The following UGT1A10 variants were observed in gnomAD, a reference collection of about 807,000 sequenced individuals.
UGT1A10 encodes UDP-glucuronosyltransferase 1A10.
A neutral mutation model predicts 45.8 loss-of-function variants in UGT1A10; 49 were observed. The observed-to-expected ratio is 1.07, with a 90% confidence interval of 0.85 to 1.36. The LOEUF (loss-of-function observed/expected upper bound fraction) is 1.36, where lower values mean the gene tolerates loss of function less well. Among genes scored for constraint, UGT1A10 ranks in the 40% most tolerant of loss-of-function variants. The pLI, the probability that UGT1A10 is intolerant of heterozygous loss-of-function variation, is 0.00. For missense variants in UGT1A10, 745 were observed against 668.6 expected, an observed-to-expected ratio of 1.11 and a Z score of -1.26; for synonymous variants, 284 against 249.7, an observed-to-expected ratio of 1.14 and a Z score of -1.29.
intron 1 of UGT1A10, chr2:233,647,998 G>A: frequency 6.2e-7 from 1 of 1,607,710 alleles, no homozygotes; most frequent in Non-Finnish European, 8.5e-7. Context: ...GGGGCATGAG[G>A]TGGTTGTAGT....
chr2:233,648,823 T>G, intron 1 of UGT1A10: 1 of 1,051,594 alleles, frequency 9.5e-7, no homozygotes. Context: ...AGAGGAGCAT[T>G]TATTTTGCCC....
At chr2:233,703,003 G>T (rs1384511642) in intron 1 of UGT1A10, among the ~76,000 whole-genome samples, 1 of 152,110 alleles carries the variant, frequency 6.6e-6, no homozygotes, top group Non-Finnish European at 1.5e-5. Flanking sequence ...CTATTTTTTG[G>T]GAACAGTCTG....
chr2:233,648,746 G>T, intron 1 of UGT1A10: 1 of 598,942 alleles, frequency 1.7e-6, no homozygotes. Flanking sequence ...TTACAGGGGT[G>T]AGCCACCACA....
At chr2:233,637,513 G>A (rs2073329392) in intron 1 of UGT1A10, 136 bp downstream of exon 1, 2 of 1,469,164 alleles carry the variant, frequency 1.4e-6, no homozygotes, top group Admixed American at 2.3e-5. Context: ...ATTATTTTGT[G>A]CGAATTCATG....
At chr2:233,717,277 G>A (rs2076561985) in intron 1 of UGT1A10, among the ~76,000 whole-genome samples, 1 of 152,160 alleles carries the variant, frequency 6.6e-6, no homozygotes, top group African/African-American at 2.4e-5. Context: ...TTGAGAAGCT[G>A]AGATGTTGCA....
intron 1 of UGT1A10, among the ~76,000 whole-genome samples, chr2:233,717,571 A>C (rs1166203579): frequency 6.6e-6 from 1 of 152,240 alleles, no homozygotes; most frequent in Non-Finnish European, 1.5e-5. Context: ...ATGGCCAGGC[A>C]TGTAGACACA....
chr2:233,672,938 C>A (rs1039914779), intron 1 of UGT1A10: 6 of 1,418,726 alleles, frequency 4.2e-6, no homozygotes, highest in Non-Finnish European at 5.6e-6. Flanking sequence ...AATGCGTGTA[C>A]TCGTCAGTAG....
chr2:233,656,384 A>G (rs916151329), intron 1 of UGT1A10, among the ~76,000 whole-genome samples: 3 of 152,346 alleles, frequency 2.0e-5, no homozygotes, highest in African/African-American at 4.8e-5. Context: ...CTCTTGTCCA[A>G]TGAAAGCAGT....
chr2:233,768,319 G>A lies in UGT1A10; in HGVS notation c.1175G>A (p.Gly392Asp), dbSNP rs367897068. The A allele has an allele frequency of 6.2e-7, 1 of 1,614,162 alleles. No homozygotes were observed. Among genetic ancestry groups the A allele is most frequent in the Non-Finnish European group, 8.5e-7 (1 of 1,180,044 alleles). The change falls in exon 4 of 5, where the codon GGT (glycine) becomes GAT (aspartate). Residue 392 changes from glycine (G) to aspartate (D), a missense_variant. Gly to Asp is a moderately conservative substitution (Grantham distance 94). Transcript: ENST00000344644. ...CCCATGGTGATGATGCCCTTGTTTG[G>A]TGATCAGATGGACAATGCAAAGCGC... ...GVPMVMMPLF[G>D]DQMDNAKRME...
At chr2:233,740,826 G>C (rs1278219127) in intron 1 of UGT1A10, 2 of 151,802 alleles carry the variant, frequency 1.3e-5, no homozygotes, top group Non-Finnish European at 2.9e-5. Flanking sequence ...TTTGAGCTGA[G>C]ACATTTTAAA....
At chr2:233,674,416 G>A (rs2602379) in intron 1 of UGT1A10, among the ~76,000 whole-genome samples, 93,543 of 151,846 alleles carry the variant, frequency 0.62, 29,077 homozygotes, top group South Asian at 0.65. Context: ...TCCATTAATT[G>A]TAGTAACAGG....
chr2:233,685,796 T>C (rs998546141), intron 1 of UGT1A10, among the ~76,000 whole-genome samples: 1 of 152,250 alleles, frequency 6.6e-6, no homozygotes, highest in Admixed American at 6.5e-5. Flanking sequence ...AATCTTGGCA[T>C]GTTGTCTCAT....
chr2:233,690,773 A>G, intron 1 of UGT1A10: 1 of 1,068,048 alleles, frequency 9.4e-7, no homozygotes, highest in Admixed American at 4.3e-5. Context: ...ACACACACAC[A>G]CATACACACA....
intron 1 of UGT1A10, chr2:233,747,317 C>A: frequency 1.9e-6 from 3 of 1,603,212 alleles, no homozygotes; most frequent in Non-Finnish European, 2.6e-6. Flanking sequence ...CTGGTGGTAC[C>A]CATTGATGGC....
chr2:233,636,555 T>C lies in UGT1A10; in HGVS notation c.33T>C (p.Pro11=). The part of the protein sequence containing the change: MARAGWTSPV[P]LCVCLLLTCG... The stretch of plus-strand genomic sequence containing the variant: ...GCGCAGGGTGGACCAGCCCCGTTCC[T>C]TTATGTGTGTGTCTACTGCTGACCT... Residue 11 remains proline, a synonymous_variant, in exon 1 of 5, where the codon CCT becomes CCC. Transcript: ENST00000344644. 2 of 1,614,156 alleles carry C rather than the reference T, an allele frequency of 1.2e-6. No individual in the cohort carries two copies. Among genetic ancestry groups the C allele is most frequent in the South Asian group, 1.1e-5 (1 of 91,078 alleles).
chr2:233,739,826 A>G (rs989260193), intron 1 of UGT1A10, among the ~76,000 whole-genome samples: 6 of 152,024 alleles, frequency 3.9e-5, no homozygotes, highest in African/African-American at 1.2e-4. Context: ...TTAAATGTGA[A>G]AAGACATGAG....
intron 2 of UGT1A10, 150 bp from the exon 3 acceptor site, chr2:233,767,699 A>G: frequency 1.3e-6 from 2 of 1,502,404 alleles, no homozygotes; most frequent in Non-Finnish European, 1.8e-6. Context: ...GGAAGTTGCC[A>G]GTCCTCAGAA....
At chr2:233,647,807 G>A in intron 1 of UGT1A10, 1 of 776,334 alleles carries the variant, frequency 1.3e-6, no homozygotes, top group South Asian at 2.2e-5. Context: ...GATTTATCAA[G>A]TTAATTGATT....
chr2:233,725,142 G>A (rs181617719), intron 1 of UGT1A10, among the ~76,000 whole-genome samples: 1 of 130,406 alleles, frequency 7.7e-6, no homozygotes, highest in Non-Finnish European at 1.6e-5. Flanking sequence ...CAGCAGTACA[G>A]TCCAGCTTCG....
Sources: gnomAD v4.1 joint callset for allele counts (sites outside exome capture counted in the v4.1 genomes callset) on GRCh38, gnomAD v4.1.1 for gene constraint, MANE v1.5 for transcripts, NCBI Gene and HGNC (gene_info 2026-07-23, HGNC 2026-07-21) for gene names.